GRM7: variants seen among roughly 807,000 people sequenced by gnomAD.
The protein encoded by GRM7 is metabotropic glutamate receptor 7.
Under a neutral mutation model 84.5 loss-of-function variants are expected in GRM7, and 35 were observed. The observed-to-expected ratio is 0.41, with a 90% CI of 0.32 to 0.55. GRM7 has a LOEUF of 0.55. GRM7 is among the 20% of genes least tolerant of loss of function. The pLI is 0.19. For missense variants in GRM7, 1,003 were observed against 1,194.6 expected (o/e 0.84, Z 2.36); for synonymous variants, 487 against 455.1 (o/e 1.07, Z -0.89).
intron 4 of GRM7, among the ~76,000 whole-genome samples, chr3:7,320,783 T>C (rs781613543): frequency 6.6e-6 from 1 of 151,284 alleles, no homozygotes; most frequent in Non-Finnish European, 1.5e-5. Context: ...ATAATAGTAG[T>C]TCTTTTTATT....
chr3:7,090,147 A>C (rs1698612300), intron 1 of GRM7, among the ~76,000 whole-genome samples: 1 of 152,160 alleles, frequency 6.6e-6, no homozygotes, highest in Non-Finnish European at 1.5e-5. Context: ...CCAGCCTTAA[A>C]TTAATATTGA....
intron 7 of GRM7, among the ~76,000 whole-genome samples, chr3:7,572,875 T>TATAAAA (rs1559411986): frequency 1.5e-5 from 1 of 66,424 alleles, no homozygotes; most frequent in African/African-American, 5.9e-5. Flanking sequence ...TATATATATA[T>TATAAAA]ATATAAATAA....
chr3:7,439,107 A>C (rs1214915925), intron 5 of GRM7, among the ~76,000 whole-genome samples: 1 of 152,144 alleles, frequency 6.6e-6, no homozygotes, highest in Non-Finnish European at 1.5e-5. Flanking sequence ...TATGGATCCC[A>C]AACCCTGAGA....
intron 1 of GRM7, among the ~76,000 whole-genome samples, chr3:6,890,106 A>G (rs1166441374): frequency 6.6e-6 from 1 of 151,864 alleles, no homozygotes; most frequent in African/African-American, 2.4e-5. Context: ...TATTGCGTCT[A>G]TTTGATTCTT....
intron 7 of GRM7, among the ~76,000 whole-genome samples, chr3:7,549,200 A>C (rs1307459331): frequency 6.6e-6 from 1 of 152,244 alleles, no homozygotes; most frequent in Non-Finnish European, 1.5e-5. Context: ...CATTCAATAC[A>C]TTAAATTAAA....
chr3:6,967,399 T>G (rs1238937591), intron 1 of GRM7, among the ~76,000 whole-genome samples: 1 of 152,122 alleles, frequency 6.6e-6, no homozygotes, highest in Non-Finnish European at 1.5e-5. Context: ...TTTTGCCATG[T>G]TGCCAGGCTG....
At chr3:7,434,119 G>T (rs566664408) in intron 5 of GRM7, among the ~76,000 whole-genome samples, 4 of 151,760 alleles carry the variant, frequency 2.6e-5, no homozygotes, top group African/African-American at 9.7e-5. Flanking sequence ...ATTCTTTTTC[G>T]ATTGTTAACG....
In GRM7 at chr3:7,576,445, T is replaced by G. The variant is rs529353048; in HGVS notation, c.1516-1977T>G. Among the ~76,000 whole-genome samples, 6 of 152,376 alleles carry G rather than the reference T, an allele frequency of 3.9e-5. No homozygotes were observed. In the South Asian group the frequency reaches 1.2e-3, roughly 32 times the overall value. The stretch of plus-strand genomic sequence containing the variant: ...AAAGGTTATGCTATTTTACCAAGTT[T>G]AACTCCTGAGCCATTTATTTTTCCA... On this transcript the variant is annotated intron_variant, in intron 7 of 9. Coordinates refer to ENST00000357716, the MANE Select transcript of GRM7 (RefSeq NM_000844.4).
rs527473215 is a variant in GRM7 at position 7,623,641 on chromosome 3, T to C, written c.2451+44284T>C. ...TGCAGATCAGGCCAACCATCTGTCT[T>C]GAAGCATCTCCTACAACCAGGACAT... On this transcript the variant is annotated intron_variant, in intron 8 of 9. Coordinates refer to ENST00000357716, the MANE Select transcript of GRM7 (RefSeq NM_000844.4). Among the ~76,000 whole-genome samples, 278 of 152,230 alleles carry C rather than the reference T, an allele frequency of 1.8e-3. 2 individuals are homozygous for C. The highest frequency in any genetic ancestry group is 6.4e-3 in the African/African-American group (264 of 41,560).
Position 7,649,216 on chromosome 3 carries a change from C to CA in GRM7, c.2452-30833_2452-30832insA, listed in dbSNP as rs1202324795. On this transcript the variant is annotated intron_variant, in intron 8 of 9. Coordinates refer to ENST00000357716, the MANE Select transcript of GRM7 (RefSeq NM_000844.4). Reference sequence around the variant, plus strand: ...TCCCGAGTAGCTGGGACTACAGGCACCCACTACCACGCCCGGCTAATTTTA... The same window carrying CA: ...TCCCGAGTAGCTGGGACTACAGGCACACCACTACCACGCCCGGCTAATTTTA... Among the ~76,000 whole-genome samples the CA allele has an allele frequency of 9.9e-5, 15 of 151,876 alleles. 1 individual carries two copies. Among genetic ancestry groups the CA allele is most frequent in the Admixed American group, 3.3e-4 (5 of 15,252 alleles).
At position 7,145,416 on chromosome 3, in the gene GRM7, G is replaced by A. The variant is rs1288045598; in HGVS notation, c.520-1036G>A. 2.0e-5 allele frequency among the ~76,000 whole-genome samples: 3 copies of A among 152,294 alleles called. No individual in the cohort carries two copies. In the East Asian group the frequency reaches 5.8e-4, roughly 29 times the overall value. Reference sequence around the variant, plus strand: ...AGGTAACTAGCATAGGAGTTCTGAAGTTAGGGACTAAGCCAGATTTCTCAT... The same window carrying A: ...AGGTAACTAGCATAGGAGTTCTGAAATTAGGGACTAAGCCAGATTTCTCAT... On this transcript the variant is annotated intron_variant, in intron 1 of 9. Coordinates refer to ENST00000357716, the MANE Select transcript of GRM7 (RefSeq NM_000844.4).
chr3:7,169,318 A>G (rs1227002526), intron 2 of GRM7, among the ~76,000 whole-genome samples: 1 of 152,156 alleles, frequency 6.6e-6, no homozygotes, highest in Non-Finnish European at 1.5e-5. Context: ...CCCTTTGTTA[A>G]TAAAGGTTAC....
chr3:7,436,670 A>G (rs1697068984), intron 5 of GRM7, among the ~76,000 whole-genome samples: 1 of 152,180 alleles, frequency 6.6e-6, no homozygotes, highest in Non-Finnish European at 1.5e-5. Flanking sequence ...CCTACAATCA[A>G]ACTGCAAACT....
rs115163965 is a variant in GRM7, at chr3:7,048,294, G to C, written c.520-98158G>C. On this transcript the variant is annotated intron_variant, in intron 1 of 9. Coordinates refer to ENST00000357716, the MANE Select transcript of GRM7 (RefSeq NM_000844.4). ...AGTTGGGTTACCATCTGACATTGGGGAATTAAATATTTAGATTTTTTATTT... is the reference window on the plus strand; with the variant it reads ...AGTTGGGTTACCATCTGACATTGGGCAATTAAATATTTAGATTTTTTATTT... Among the ~76,000 whole-genome samples the C allele has an allele frequency of 4.2e-3, 640 of 151,996 alleles. 1 individual carries two copies. Among genetic ancestry groups the C allele is most frequent in the Middle Eastern group, 0.01 (3 of 294 alleles).
chr3:7,088,709 C>CTGCGGACTG, intron 1 of GRM7, among the ~76,000 whole-genome samples: 1 of 49,204 alleles, frequency 2.0e-5, no homozygotes, highest in Non-Finnish European at 3.6e-5. Flanking sequence ...CATCGAAGCA[C>CTGCGGACTG]CAGTGGTGCG....
chr3:7,273,784 A>C (rs1401710847), intron 2 of GRM7, among the ~76,000 whole-genome samples: 1 of 151,834 alleles, frequency 6.6e-6, no homozygotes, highest in East Asian at 1.9e-4. Flanking sequence ...TGTGTACAAC[A>C]TATAGTTGAA....
At chr3:7,473,365 T>G (rs9847035) in intron 7 of GRM7, among the ~76,000 whole-genome samples, 5,945 of 152,134 alleles carry the variant, frequency 0.039, 392 homozygotes, top group African/African-American at 0.14. Flanking sequence ...TAGTCCTAGC[T>G]ACTCAGGAGG....
chr3:6,945,219 C>G (rs561486217), intron 1 of GRM7, among the ~76,000 whole-genome samples: 7 of 151,340 alleles, frequency 4.6e-5, no homozygotes, highest in Middle Eastern at 3.4e-3. Flanking sequence ...CGCCTCCCCC[C>G]ACCCCACAAC....
intron 2 of GRM7, among the ~76,000 whole-genome samples, chr3:7,257,112 C>T (rs1698238242): frequency 6.6e-6 from 1 of 151,994 alleles, no homozygotes; most frequent in East Asian, 1.9e-4. Context: ...CTTAGTTAAT[C>T]CTCAGATTCT....
Sources: allele counts gnomAD v4.1 joint callset (sites outside exome capture counted in the v4.1 genomes callset), GRCh38; gene constraint gnomAD v4.1.1; transcripts MANE v1.5; gene names NCBI Gene and HGNC (gene_info 2026-07-23, HGNC 2026-07-21).